The following CA8 variants were observed in gnomAD, a reference collection of about 807,000 sequenced individuals.
The protein encoded by CA8 is carbonic anhydrase 8 (inactive).
In CA8, 22 loss-of-function variants were observed where a neutral mutation model predicts 41.4. The ratio of observed to expected loss-of-function variants is 0.53; its 90% CI spans 0.38 to 0.76. CA8 has a LOEUF of 0.76. CA8 is among the 30% of genes least tolerant of loss of function. The probability of loss-of-function intolerance (pLI) is 0.00; values close to 1 mark genes in which losing one functional copy is unlikely to be tolerated. For synonymous variants in CA8, 121 were observed against 130.6 expected (o/e 0.93, Z 0.50); for missense variants, 270 against 352.8 (o/e 0.77, Z 1.88).
intron 3 of CA8, among the ~76,000 whole-genome samples, chr8:60,248,990 A>G (rs1384998809): frequency 1.3e-5 from 2 of 152,140 alleles, no homozygotes; most frequent in African/African-American, 2.4e-5. Context: ...CTTGTTAGCT[A>G]TATTCCCAGC....
At chr8:60,270,871 TA>T (rs1192384842) in intron 2 of CA8, among the ~76,000 whole-genome samples, 1 of 152,258 alleles carries the variant, frequency 6.6e-6, no homozygotes, top group Non-Finnish European at 1.5e-5. Flanking sequence ...TCAATATTTT[TA>T]AACTGTCTTT....
At chr8:60,257,986 A>C (rs1803605655) in intron 3 of CA8, among the ~76,000 whole-genome samples, 1 of 152,208 alleles carries the variant, frequency 6.6e-6, no homozygotes, top group African/African-American at 2.4e-5. Flanking sequence ...AAAAATATTA[A>C]ATGGAAAATT....
rs1255274491 is a variant in CA8 at position 60,232,357 on chromosome 8, G to A, written c.440C>T (p.Ser147Phe). The change falls in exon 4 of 9, where the codon TCC becomes TTC. Residue 147 changes from serine to phenylalanine, a missense_variant. By Grantham distance (155) the Ser-to-Phe change is radical. This residue lies in a region of CA8 where 141 missense variants were observed against 191.6 expected (regional missense o/e 0.74). Coordinates refer to ENST00000317995, the MANE Select transcript of CA8 (RefSeq NM_004056.6). Reference sequence around the variant, plus strand: ...CTCATCAATGCTGCCAAACAGAGTGGAGTTCCAGTGGATCAGATGGAGCTG... The same window carrying A: ...CTCATCAATGCTGCCAAACAGAGTGAAGTTCCAGTGGATCAGATGGAGCTG... The part of the protein sequence containing the change: ...PMELHLIHWN[S>F]TLFGSIDEAV... The A allele has an allele frequency of 3.1e-6, 5 of 1,613,896 alleles. No individual in the cohort carries two copies. The highest frequency in any genetic ancestry group is 4.2e-6 in the Non-Finnish European group (5 of 1,179,768).
At chr8:60,257,909 G>A (rs749701207) in intron 3 of CA8, among the ~76,000 whole-genome samples, 1 of 152,250 alleles carries the variant, frequency 6.6e-6, no homozygotes, top group Non-Finnish European at 1.5e-5. Flanking sequence ...CAGGTTAGGT[G>A]AGTGAGGTCT....
chr8:60,280,344 C>CAT (rs1278267134), intron 1 of CA8, among the ~76,000 whole-genome samples: 4 of 152,132 alleles, frequency 2.6e-5, no homozygotes, highest in African/African-American at 7.2e-5. Flanking sequence ...TTAAAGTGTG[C>CAT]ATATGTATAT....
At chr8:60,198,263 C>T (rs1448681585) in intron 8 of CA8, among the ~76,000 whole-genome samples, 1 of 152,108 alleles carries the variant, frequency 6.6e-6, no homozygotes, top group African/African-American at 2.4e-5. Context: ...ATAAAAATAC[C>T]GGTCTCATAG....
rs1805999787 is a variant in CA8 at position 60,187,582 on chromosome 8, A to G, written c.*2439T>C. On this transcript the variant is annotated 3_prime_UTR_variant, in exon 9 of 9. Transcript: ENST00000317995. ...CTTGAAAAAAATCAATAAAATTGAC[A>G]AGCCTTCAGCTAAACTAACCAACAA... The G allele has an allele frequency of 6.6e-6, 1 of 152,156 alleles. No homozygotes were observed. Among genetic ancestry groups the G allele is most frequent in the Non-Finnish European group, 1.5e-5 (1 of 67,990 alleles). 9.4% of individuals were successfully genotyped at this position (152,156 alleles called of 1,614,324 possible).
chr8:60,267,785 T>C (rs866143812), intron 2 of CA8, among the ~76,000 whole-genome samples: 1 of 152,226 alleles, frequency 6.6e-6, no homozygotes, highest in Admixed American at 6.5e-5. Context: ...AGTTGCTCCT[T>C]GGAGAACTGC....
chr8:60,275,560 C>T (rs910127229), intron 2 of CA8, among the ~76,000 whole-genome samples: 8 of 144,830 alleles, frequency 5.5e-5, no homozygotes, highest in East Asian at 4.0e-4. Flanking sequence ...AAAGACTAAA[C>T]GATTAAAAAT....
intron 8 of CA8, among the ~76,000 whole-genome samples, chr8:60,207,114 G>C (rs1325235297): frequency 1.3e-5 from 2 of 152,112 alleles, no homozygotes; most frequent in African/African-American, 2.4e-5. Flanking sequence ...CCGCCAGTGT[G>C]GCAAAACTCT....
At chr8:60,208,556 T>C in intron 8 of CA8, 194 bp downstream of exon 8, 1 of 586,910 alleles carries the variant, frequency 1.7e-6, no homozygotes, top group Non-Finnish European at 3.0e-6. Context: ...TCATAGTTTT[T>C]CTTCAATACT....
rs112609661 is a variant in CA8, at chr8:60,227,222, C to T, written c.514-287G>A. Among the ~76,000 whole-genome samples, 529 of 151,736 alleles carry T rather than the reference C, an allele frequency of 3.5e-3. 2 individuals carry two copies. The highest frequency in any genetic ancestry group is 0.012 in the African/African-American group (488 of 41,350). On this transcript the variant is annotated intron_variant, in intron 4 of 8. Transcript: ENST00000317995. The stretch of plus-strand genomic sequence containing the variant: ...AGAAGAATCGCTTGAACCCAGGAGG[C>T]GGAGAGGTTGCAGTGAGCCAAGATC...
At chr8:60,191,560 G>A (rs1351091479) in intron 8 of CA8, among the ~76,000 whole-genome samples, 1 of 152,070 alleles carries the variant, frequency 6.6e-6, no homozygotes, top group Non-Finnish European at 1.5e-5. Context: ...ATATGCTGAT[G>A]TGCATTGCAA....
intron 7 of CA8, among the ~76,000 whole-genome samples, chr8:60,213,675 C>G (rs1043278965): frequency 2.6e-5 from 4 of 151,968 alleles, no homozygotes; most frequent in African/African-American, 9.7e-5. Context: ...AACTTTTTAC[C>G]TTGACTACAT....
chr8:60,281,107 G>C lies in CA8; in HGVS notation c.41C>G (p.Pro14Arg), dbSNP rs746415479. 147 of 1,603,084 alleles carry C rather than the reference G, an allele frequency of 9.2e-5. No homozygotes were observed. Among genetic ancestry groups the C allele is most frequent in the Non-Finnish European group, 1.2e-4 (146 of 1,176,096 alleles). The change falls in exon 1 of 9, where the codon CCC becomes CGC. Residue 14 changes from proline (P) to arginine (R), a missense_variant. By Grantham distance (103) the Pro-to-Arg change is moderately radical (BLOSUM62 -2). Transcript: ENST00000317995. ...TTCCTCCTCATCCTCTTCCTTCTCG[G>C]GGAAGGCGACGGTATCTTCGATGAA... is the stretch of plus-strand genomic sequence containing the variant. ...LSFIEDTVAF[P>R]EKEEDEEEEE...
intron 3 of CA8, among the ~76,000 whole-genome samples, chr8:60,249,431 C>T (rs956815973): frequency 3.3e-5 from 5 of 152,102 alleles, no homozygotes; most frequent in Non-Finnish European, 7.4e-5. Flanking sequence ...TGGAGAAATA[C>T]GATACTGAGC....
intron 3 of CA8, among the ~76,000 whole-genome samples, chr8:60,235,924 G>A (rs1049051596): frequency 1.3e-5 from 2 of 152,112 alleles, no homozygotes; most frequent in Non-Finnish European, 2.9e-5. Flanking sequence ...ACAGTACAGG[G>A]GCTGGATTGG....
chr8:60,196,364 A>AT (rs1806282567), intron 8 of CA8, among the ~76,000 whole-genome samples: 1 of 152,154 alleles, frequency 6.6e-6, no homozygotes, highest in Admixed American at 6.6e-5. Flanking sequence ...AACTCTTACT[A>AT]TATCCACTTC....
At chr8:60,194,033 TAGA>T (rs1806208099) in intron 8 of CA8, among the ~76,000 whole-genome samples, 2 of 152,188 alleles carry the variant, frequency 1.3e-5, no homozygotes, top group South Asian at 2.1e-4. Context: ...GATTCATCTG[TAGA>T]AGTTCTCATT....
Sources: gnomAD v4.1 joint callset for allele counts (sites outside exome capture counted in the v4.1 genomes callset) on GRCh38, gnomAD v4.1.1 for gene constraint, gnomAD v4.1.1 regional missense constraint, MANE v1.5 for transcripts, NCBI Gene and HGNC (gene_info 2026-07-23, HGNC 2026-07-21) for gene names.